Variants in AKAP13 observed in about 807,000 individuals in gnomAD.
The protein encoded by AKAP13 is A-kinase anchoring protein 13.
A neutral mutation model predicts 264.5 loss-of-function variants in AKAP13; 80 were observed. That is an observed-to-expected ratio of 0.30 (90% CI 0.25 to 0.36). The LOEUF (loss-of-function observed/expected upper bound fraction) is 0.36, where lower values mean the gene tolerates loss of function less well. AKAP13 is among the 10% of genes least tolerant of loss of function. The pLI is 1.00. For missense variants in AKAP13, 3,712 were observed against 3,435.2 expected, an observed-to-expected ratio of 1.08 and a Z score of -2.01; for synonymous variants, 1,380 against 1,250.2, an observed-to-expected ratio of 1.10 and a Z score of -2.19.
chr15:85,595,092 TTTTTTG>T (rs1189567579), intron 8 of AKAP13, among the ~76,000 whole-genome samples: 1 of 152,124 alleles, frequency 6.6e-6, no homozygotes, highest in Non-Finnish European at 1.5e-5. Context: ...TTGGAGGGTT[TTTTTTG>T]TTTTTGTTTT....
chr15:85,588,224 C>A (rs1471535963), intron 8 of AKAP13, among the ~76,000 whole-genome samples: 2 of 152,094 alleles, frequency 1.3e-5, no homozygotes, highest in Non-Finnish European at 2.9e-5. Context: ...GATGAACAAA[C>A]CTTGTTGTAT....
At chr15:85,687,086 CAT>C (rs1353664755) in intron 16 of AKAP13, among the ~76,000 whole-genome samples, 4 of 151,990 alleles carry the variant, frequency 2.6e-5, no homozygotes, top group Non-Finnish European at 5.9e-5. Context: ...AAAACATACA[CAT>C]GATAGGAAAA....
chr15:85,730,892 T>TA, intron 30 of AKAP13, among the ~76,000 whole-genome samples, 185 bp downstream of exon 30: 1 of 151,842 alleles, frequency 6.6e-6, no homozygotes, highest in Non-Finnish European at 1.5e-5. Context: ...ATCAAGAACT[T>TA]AAAGGGGCCC....
At chr15:85,591,627 CTTAAGTTCAGA>C (rs2079583215) in intron 8 of AKAP13, among the ~76,000 whole-genome samples, 1 of 150,266 alleles carries the variant, frequency 6.7e-6, no homozygotes, top group African/African-American at 2.5e-5. Context: ...ACATTGAATA[CTTAAGTTCAGA>C]AAAAGTTCAG....
rs1280889921 is a variant in AKAP13, at chr15:85,737,558, T to TA, written c.7557+1428dup. ...AAGGGGAATCTTTCCTTTTTCCCCC[T>TA]AAAATACAGAAGGATATTGTTTTAT... On this transcript the variant is annotated intron_variant, in intron 33 of 36. Transcript: ENST00000394518. 7.2e-5 allele frequency among the ~76,000 whole-genome samples: 11 copies of TA among 152,302 alleles called. No homozygotes were observed. The East Asian group carries it at 1.5e-3, about 21-fold the overall frequency.
chr15:85,565,187 A>G (rs866904159), intron 5 of AKAP13, among the ~76,000 whole-genome samples: 29 of 152,200 alleles, frequency 1.9e-4, no homozygotes, highest in Admixed American at 1.3e-4. Context: ...CATTGCCACA[A>G]TTGGTGGTAA....
chr15:85,477,366 A>G (rs1485864713), intron 1 of AKAP13, among the ~76,000 whole-genome samples: 1 of 151,756 alleles, frequency 6.6e-6, no homozygotes, highest in Non-Finnish European at 1.5e-5. Flanking sequence ...GACCCCTTCT[A>G]CCTGTAAGTT....
At chr15:85,693,177 G>C in intron 16 of AKAP13, 100 bp from the exon 17 acceptor site, 1 of 1,404,120 alleles carries the variant, frequency 7.1e-7, no homozygotes, top group Non-Finnish European at 9.2e-7. Context: ...TTCCAAAATA[G>C]TCACCAGCTG....
chr15:85,442,464 C>A (rs188766477), intron 1 of AKAP13, among the ~76,000 whole-genome samples: 7 of 84,446 alleles, frequency 8.3e-5, no homozygotes, highest in South Asian at 3.1e-4. Flanking sequence ...ATATAATATA[C>A]ATAATATATA....
Position 85,580,301 on chromosome 15 carries a change from G to C in AKAP13, c.2233G>C (p.Asp745His). 6.2e-7 allele frequency: 1 copy of C among 1,614,210 alleles called. No individual in the cohort carries two copies. The highest frequency in any genetic ancestry group is 8.5e-7 in the Non-Finnish European group (1 of 1,180,038). ...KVVDNKGQRKDVKLDKPLTNM... is the reference protein window; with the variant it reads ...KVVDNKGQRKHVKLDKPLTNM... ...GGTGGATAACAAAGGCCAACGAAAAGATGTGAAACTAGATAAACCTTTAAC... is the reference window on the plus strand; with the variant it reads ...GGTGGATAACAAAGGCCAACGAAAACATGTGAAACTAGATAAACCTTTAAC... Residue 745 changes from aspartate to histidine, a missense_variant, in exon 7 of 37, where the codon GAT (aspartate) becomes CAT (histidine). Physicochemically the swap from Asp to His is moderately conservative, Grantham distance 81. This residue lies in a region of AKAP13 where 2,759 missense variants were observed against 2,411.7 expected (regional missense o/e 1.14). Coordinates refer to ENST00000394518, the MANE Select transcript of AKAP13 (RefSeq NM_007200.5).
chr15:85,741,131 C>CGAG lies in AKAP13; in HGVS notation c.7695_7697dup (p.Pro2565_Ser2566insArg), dbSNP rs2088942095. 6.2e-7 allele frequency: 1 copy of CGAG among 1,613,578 alleles called. No individual in the cohort carries two copies. The highest frequency in any genetic ancestry group is 8.5e-7 in the Non-Finnish European group (1 of 1,179,836). ...GCGCTCACTCGCAGCTTGTCCCGCC[C>CGAG]GAGCTCCCTCATTGAGCAGGAGAAG... On this transcript the variant is annotated inframe_insertion, in exon 35 of 37. Coordinates refer to ENST00000394518, the MANE Select transcript of AKAP13 (RefSeq NM_007200.5).
chr15:85,390,093 T>G (rs2070780369), intron 1 of AKAP13, among the ~76,000 whole-genome samples: 1 of 152,254 alleles, frequency 6.6e-6, no homozygotes, highest in Admixed American at 6.5e-5. Context: ...TTATATGACA[T>G]ACCTTGTAGG....
intron 1 of AKAP13, among the ~76,000 whole-genome samples, chr15:85,450,432 A>G (rs1204116486): frequency 1.3e-5 from 2 of 151,568 alleles, no homozygotes; most frequent in East Asian, 3.9e-4. Context: ...TTCTTCTCTA[A>G]TTCTTTCAGT....
At chr15:85,517,019 A>T (rs2076629516) in intron 2 of AKAP13, among the ~76,000 whole-genome samples, 2 of 152,196 alleles carry the variant, frequency 1.3e-5, no homozygotes, top group Admixed American at 1.3e-4. Context: ...AATTTTTAAT[A>T]ATGGCTGAGT....
chr15:85,670,347 T>C (rs1247880388), intron 14 of AKAP13, among the ~76,000 whole-genome samples: 1 of 151,834 alleles, frequency 6.6e-6, no homozygotes, highest in Non-Finnish European at 1.5e-5. Flanking sequence ...AACAAAGATA[T>C]TGTCTTATAT....
At chr15:85,701,542 C>T (rs431254) in intron 17 of AKAP13, among the ~76,000 whole-genome samples, 50,578 of 151,856 alleles carry the variant, frequency 0.33, 8,966 homozygotes, top group East Asian at 0.67. Context: ...CAGGTTCAAG[C>T]GATTCTTCTG....
At chr15:85,477,874 G>A (rs2075224336) in intron 1 of AKAP13, among the ~76,000 whole-genome samples, 1 of 152,074 alleles carries the variant, frequency 6.6e-6, no homozygotes, top group African/African-American at 2.4e-5. Context: ...TGCCTCTTGT[G>A]ACTCCTTCCC....
intron 8 of AKAP13, among the ~76,000 whole-genome samples, chr15:85,638,448 A>T (rs1200839713): frequency 6.6e-6 from 1 of 152,110 alleles, no homozygotes; most frequent in Admixed American, 6.6e-5. Flanking sequence ...AATGTTTCTT[A>T]TGCTATTATT....
rs773014821 is a variant in AKAP13 at position 85,658,582 on chromosome 15, T to A, written c.4791T>A (p.His1597Gln). 2 of 1,613,768 alleles carry A rather than the reference T, an allele frequency of 1.2e-6. No individual in the cohort carries two copies. The highest frequency in any genetic ancestry group is 2.2e-5 in the South Asian group (2 of 91,040). Residue 1597 changes from histidine (H) to glutamine (Q), a missense_variant, in exon 12 of 37, where the codon CAT (histidine) becomes CAA (glutamine). His to Gln is a conservative substitution (Grantham distance 24). Around this residue, in one of 3 missense-constraint regions of AKAP13, gnomAD observed 2,759 missense variants for 2,411.7 expected, o/e 1.14. Transcript: ENST00000394518. Reference protein sequence around the residue: ...LGDVVRRPPIHRRSFSLEGLT... With the variant: ...LGDVVRRPPIQRRSFSLEGLT... The stretch of plus-strand genomic sequence containing the variant: ...ATGTTGTCAGGAGACCTCCCATTCA[T>A]AGGAGAAGGTACAGAGTTCATTAAC...
Sources: allele counts gnomAD v4.1 joint callset (sites outside exome capture counted in the v4.1 genomes callset), GRCh38; gene constraint gnomAD v4.1.1; regional missense constraint gnomAD v4.1.1; transcripts MANE v1.5; gene names NCBI Gene and HGNC (gene_info 2026-07-23, HGNC 2026-07-21).